Variants in CARMIL1 observed in about 807,000 individuals in gnomAD.
CARMIL1 encodes capping protein regulator and myosin 1 linker 1.
CARMIL1 carries 90 observed loss-of-function variants against 177.1 expected under a neutral mutation model. That is an observed-to-expected ratio of 0.51 (90% CI 0.43 to 0.61). The LOEUF (loss-of-function observed/expected upper bound fraction) is 0.61. CARMIL1 is among the 20% of genes least tolerant of loss of function. CARMIL1 has a pLI of 0.00. For missense variants in CARMIL1, 1,380 were observed against 1,667.0 expected, an observed-to-expected ratio of 0.83 and a Z score of 3.00; for synonymous variants, 577 against 606.2, an observed-to-expected ratio of 0.95 and a Z score of 0.71.
At chr6:25,391,795 A>G (rs1792846913) in intron 2 of CARMIL1, among the ~76,000 whole-genome samples, 1 of 152,196 alleles carries the variant, frequency 6.6e-6, no homozygotes, top group Non-Finnish European at 1.5e-5. Flanking sequence ...GGATTGTCCA[A>G]GGTCACATGG....
At chr6:25,398,261 A>C (rs776031317) in intron 2 of CARMIL1, among the ~76,000 whole-genome samples, 2 of 152,206 alleles carry the variant, frequency 1.3e-5, no homozygotes, top group Non-Finnish European at 2.9e-5. Flanking sequence ...AACTAGGGAT[A>C]ATTCATTTGT....
chr6:25,387,383 T>C (rs1002711401), intron 2 of CARMIL1, among the ~76,000 whole-genome samples: 7 of 152,206 alleles, frequency 4.6e-5, no homozygotes, highest in Admixed American at 1.3e-4. Context: ...GATATAAAAG[T>C]CAATGAATAA....
chr6:25,605,455 C>CT (rs1192684221), intron 34 of CARMIL1, among the ~76,000 whole-genome samples: 2 of 152,140 alleles, frequency 1.3e-5, no homozygotes, highest in Non-Finnish European at 2.9e-5. Flanking sequence ...TTATGCATAG[C>CT]TACAGTATCT....
intron 2 of CARMIL1, among the ~76,000 whole-genome samples, chr6:25,376,850 T>C (rs189266917): frequency 6.6e-4 from 101 of 152,260 alleles, no homozygotes; most frequent in South Asian, 3.3e-3. Flanking sequence ...CCAGCCTTGA[T>C]AGAAGCAGCT....
Position 25,434,572 on chromosome 6 carries a change from G to A in CARMIL1, c.250-911G>A, listed in dbSNP as rs1028884. On this transcript the variant is annotated intron_variant, in intron 4 of 36. Coordinates refer to ENST00000329474, the MANE Select transcript of CARMIL1 (RefSeq NM_017640.6). Reference sequence around the variant, plus strand: ...CGGAGTCTTGCTCTGTCATCAGGCTGGAGTGCAGTGGCACGATCTCGGCTC... The same window carrying A: ...CGGAGTCTTGCTCTGTCATCAGGCTAGAGTGCAGTGGCACGATCTCGGCTC... Among the ~76,000 whole-genome samples the A allele has an allele frequency of 5.8e-3, 849 of 145,628 alleles. 8 individuals carry two copies. Among genetic ancestry groups the A allele is most frequent in the Non-Finnish European group, 7.2e-3 (481 of 67,080 alleles).
At chr6:25,510,807 C>A in intron 20 of CARMIL1, 45 bp downstream of exon 20, 2 of 1,141,688 alleles carry the variant, frequency 1.8e-6, no homozygotes, top group Non-Finnish European at 2.5e-6. Flanking sequence ...CTGTTTGTTG[C>A]CATTCTTACT....
chr6:25,512,035 G>C (rs1805504342), intron 20 of CARMIL1, among the ~76,000 whole-genome samples: 1 of 152,114 alleles, frequency 6.6e-6, no homozygotes, highest in African/African-American at 2.4e-5. Flanking sequence ...ATTTGACTTT[G>C]CATCACTCTG....
chr6:25,576,560 C>G (rs368341128), intron 29 of CARMIL1, among the ~76,000 whole-genome samples: 19 of 152,236 alleles, frequency 1.2e-4, no homozygotes, highest in East Asian at 7.7e-4. Flanking sequence ...GTCCTGTGGT[C>G]CAGGAGCCAG....
In CARMIL1 at chr6:25,610,197, A is replaced by T. The variant is rs757443227; in HGVS notation, c.3979+16A>T. ...TCACAGGAAGGTAAGGATTGTAAGG[A>T]TTTCTTTTCTCTGGGTTAGCTCTCC... On this transcript the variant is annotated intron_variant, in intron 36 of 36. Coordinates refer to ENST00000329474, the MANE Select transcript of CARMIL1 (RefSeq NM_017640.6). 3.7e-6 allele frequency: 6 copies of T among 1,605,524 alleles called. No homozygotes were observed. Among genetic ancestry groups the T allele is most frequent in the Admixed American group, 3.4e-5 (2 of 58,814 alleles).
chr6:25,547,870 G>A (rs563958550), intron 26 of CARMIL1, among the ~76,000 whole-genome samples: 58 of 152,270 alleles, frequency 3.8e-4, no homozygotes, highest in African/African-American at 1.3e-3. Flanking sequence ...CAGCAGGAAA[G>A]AGTGCATGTC....
intron 11 of CARMIL1, among the ~76,000 whole-genome samples, chr6:25,475,395 C>T (rs937910192): frequency 4.1e-5 from 6 of 147,860 alleles, no homozygotes; most frequent in Admixed American, 6.7e-5. Context: ...AGTGAGACTC[C>T]GTCTCAAAAA....
chr6:25,486,652 C>T (rs1206355307), intron 12 of CARMIL1, among the ~76,000 whole-genome samples: 1 of 151,964 alleles, frequency 6.6e-6, no homozygotes, highest in Non-Finnish European at 1.5e-5. Context: ...TTTTATAAGC[C>T]ACCATACGTT....
chr6:25,600,788 T>A, intron 33 of CARMIL1, 42 bp downstream of exon 33: 1 of 1,417,320 alleles, frequency 7.1e-7, no homozygotes. Context: ...TTATTTGATA[T>A]ATAATAGATG....
In CARMIL1 at chr6:25,414,840, A is replaced by G. The variant is rs982054875; in HGVS notation, c.139-5274A>G. ...TCACTGACCACCAGAAATGGGGACC[A>G]TCCTGCACAAAGCTTTTGTAGCTTA... is the stretch of plus-strand genomic sequence containing the variant. On this transcript the variant is annotated intron_variant, in intron 2 of 36. Transcript: ENST00000329474. Among the ~76,000 whole-genome samples, 16 of 152,286 alleles carry G rather than the reference A, an allele frequency of 1.1e-4. No individual in the cohort carries two copies. In the South Asian group the frequency reaches 3.3e-3, roughly 32 times the overall value.
chr6:25,552,563 A>G (rs1810212965), intron 27 of CARMIL1, among the ~76,000 whole-genome samples: 1 of 152,212 alleles, frequency 6.6e-6, no homozygotes, highest in South Asian at 2.1e-4. Context: ...GCACATTTGC[A>G]TGGGCAGGTT....
At chr6:25,614,284 A>T (rs1562344681) in intron 36 of CARMIL1, among the ~76,000 whole-genome samples, 1 of 152,242 alleles carries the variant, frequency 6.6e-6, no homozygotes, top group Non-Finnish European at 1.5e-5. Flanking sequence ...CAGAGCATAA[A>T]GCAAAGTCTA....
chr6:25,351,061 G>T (rs1264579721), intron 2 of CARMIL1, among the ~76,000 whole-genome samples: 1 of 152,118 alleles, frequency 6.6e-6, no homozygotes, highest in Non-Finnish European at 1.5e-5. Context: ...TATTAAAGGG[G>T]TGTTGTATGT....
At chr6:25,340,628 G>C (rs1380879805) in intron 2 of CARMIL1, among the ~76,000 whole-genome samples, 3 of 152,046 alleles carry the variant, frequency 2.0e-5, no homozygotes, top group African/African-American at 7.2e-5. Context: ...GATATATGCT[G>C]TTGGCCACAG....
chr6:25,511,583 G>A (rs1242151654), intron 20 of CARMIL1, among the ~76,000 whole-genome samples: 2 of 152,122 alleles, frequency 1.3e-5, no homozygotes, highest in Non-Finnish European at 2.9e-5. Flanking sequence ...ACTTTTGTAG[G>A]TCATGAGGAT....
Sources: gnomAD v4.1 joint callset for allele counts (sites outside exome capture counted in the v4.1 genomes callset) on GRCh38, gnomAD v4.1.1 for gene constraint, MANE v1.5 for transcripts, NCBI Gene and HGNC (gene_info 2026-07-23, HGNC 2026-07-21) for gene names.